The following DPP10 variants were observed in gnomAD, a reference collection of about 807,000 sequenced individuals.
The protein encoded by DPP10 is inactive dipeptidyl peptidase 10.
In DPP10, 33 loss-of-function variants were observed where a neutral mutation model predicts 120.9. The observed-to-expected ratio is 0.27, with a 90% CI of 0.21 to 0.37. The LOEUF (loss-of-function observed/expected upper bound fraction) is 0.37, where lower values mean the gene tolerates loss of function less well. Ranked by LOEUF, DPP10 falls within the 10% of genes least tolerant of loss-of-function variation. The pLI is 1.00. For missense variants in DPP10, 816 were observed against 942.8 expected, an observed-to-expected ratio of 0.87 and a Z score of 1.76; for synonymous variants, 337 against 326.1, an observed-to-expected ratio of 1.03 and a Z score of -0.36.
At chr2:115,035,541 G>A (rs1430048020) in intron 1 of DPP10, among the ~76,000 whole-genome samples, 3 of 152,152 alleles carry the variant, frequency 2.0e-5, no homozygotes, top group Non-Finnish European at 4.4e-5. Flanking sequence ...CCTAAAAACT[G>A]CTTGTAAAGT....
intron 1 of DPP10, among the ~76,000 whole-genome samples, chr2:114,790,738 G>A (rs548994146): frequency 6.6e-6 from 1 of 152,142 alleles, no homozygotes; most frequent in Non-Finnish European, 1.5e-5. Flanking sequence ...ACTTTCACAA[G>A]GTACTGTCAT....
intron 1 of DPP10, among the ~76,000 whole-genome samples, chr2:114,984,007 TG>T (rs1198336641): frequency 7.2e-5 from 11 of 152,196 alleles, no homozygotes; most frequent in African/African-American, 2.4e-4. Flanking sequence ...TGAAATGGTA[TG>T]GGTGCTTAGA....
chr2:115,508,500 T>C (rs2077064719), intron 4 of DPP10, among the ~76,000 whole-genome samples: 1 of 152,220 alleles, frequency 6.6e-6, no homozygotes, highest in South Asian at 2.1e-4. Context: ...TATAGGAATA[T>C]AAGAATGAAA....
intron 19 of DPP10, among the ~76,000 whole-genome samples, chr2:115,800,469 G>C (rs1685076643): frequency 6.6e-6 from 1 of 152,120 alleles, no homozygotes; most frequent in African/African-American, 2.4e-5. Flanking sequence ...TTTGGCTTTT[G>C]TTGCCATTGC....
chr2:114,775,891 C>G (rs1334066625), intron 1 of DPP10, among the ~76,000 whole-genome samples: 54 of 152,272 alleles, frequency 3.5e-4, no homozygotes, highest in Non-Finnish European at 6.8e-4. Flanking sequence ...TCTCAAGGAA[C>G]TATCACTTTG....
intron 1 of DPP10, among the ~76,000 whole-genome samples, chr2:114,653,010 A>AAG (rs71297185): frequency 0.019 from 2,305 of 120,278 alleles, 21 homozygotes; most frequent in Middle Eastern, 0.037. Context: ...GAGAGAGAGA[A>AAG]AGAGAGAGAG....
At chr2:114,838,404 C>T (rs1384119808) in intron 1 of DPP10, among the ~76,000 whole-genome samples, 1 of 152,062 alleles carries the variant, frequency 6.6e-6, no homozygotes, top group Non-Finnish European at 1.5e-5. Flanking sequence ...ACTGCCACCT[C>T]CCGGATTTGA....
At chr2:115,383,926 A>G (rs1462654450) in intron 3 of DPP10, among the ~76,000 whole-genome samples, 1 of 152,206 alleles carries the variant, frequency 6.6e-6, no homozygotes, top group East Asian at 1.9e-4. Flanking sequence ...ACTTAATCCA[A>G]AGAAACCAAT....
At chr2:114,840,763 A>G (rs1296812504) in intron 1 of DPP10, among the ~76,000 whole-genome samples, 2 of 152,170 alleles carry the variant, frequency 1.3e-5, no homozygotes, top group Non-Finnish European at 2.9e-5. Context: ...TCGCTAATCC[A>G]CATAAGAGAG....
intron 1 of DPP10, among the ~76,000 whole-genome samples, chr2:114,519,033 C>G (rs988987262): frequency 6.6e-5 from 10 of 152,158 alleles, no homozygotes; most frequent in African/African-American, 2.4e-4. Context: ...TGAAAGAGAT[C>G]GAAGGCCTAC....
At chr2:115,494,257 C>T (rs1205440075) in intron 3 of DPP10, among the ~76,000 whole-genome samples, 2 of 151,858 alleles carry the variant, frequency 1.3e-5, no homozygotes, top group Non-Finnish European at 2.9e-5. Context: ...TTCTTTAATC[C>T]TTTTGTTTTT....
At chr2:115,729,349 C>A (rs1369033874) in intron 8 of DPP10, among the ~76,000 whole-genome samples, 1 of 152,018 alleles carries the variant, frequency 6.6e-6, no homozygotes, top group Non-Finnish European at 1.5e-5. Flanking sequence ...TGTGTGACAC[C>A]CTGACAGATG....
At chr2:115,183,134 G>A (rs1573923857) in intron 1 of DPP10, among the ~76,000 whole-genome samples, 1 of 152,126 alleles carries the variant, frequency 6.6e-6, no homozygotes, top group East Asian at 1.9e-4. Flanking sequence ...AGAACTAATT[G>A]TGGCCAGATT....
chr2:115,362,859 G>T (rs1189796829), intron 3 of DPP10, among the ~76,000 whole-genome samples: 2 of 152,176 alleles, frequency 1.3e-5, no homozygotes, highest in African/African-American at 4.8e-5. Flanking sequence ...TCTAGTGTTT[G>T]ACACATAGCT....
chr2:115,641,205 C>T (rs1283065051), intron 5 of DPP10, among the ~76,000 whole-genome samples: 1 of 152,124 alleles, frequency 6.6e-6, no homozygotes, highest in Non-Finnish European at 1.5e-5. Context: ...AATGATCTGC[C>T]TGTGTTCTGT....
intron 21 of DPP10, among the ~76,000 whole-genome samples, chr2:115,817,563 G>C (rs1575877073): frequency 6.6e-6 from 1 of 152,152 alleles, no homozygotes; most frequent in Admixed American, 6.5e-5. Context: ...TTCTACACTT[G>C]TTGTCAGCAA....
chr2:115,492,717 C>G (rs1417433241), intron 3 of DPP10, among the ~76,000 whole-genome samples: 1 of 151,974 alleles, frequency 6.6e-6, no homozygotes, highest in Non-Finnish European at 1.5e-5. Context: ...TGGTATAGAT[C>G]GTTTCAATTC....
At chr2:114,811,534 A>G (rs756114613) in intron 1 of DPP10, among the ~76,000 whole-genome samples, 1 of 151,810 alleles carries the variant, frequency 6.6e-6, no homozygotes, top group Non-Finnish European at 1.5e-5. Context: ...CACCATGACA[A>G]TAACTTCCAA....
chr2:115,337,661 T>TA (rs11458121), intron 2 of DPP10, among the ~76,000 whole-genome samples: 5,627 of 71,688 alleles, frequency 0.078, 419 homozygotes, highest in African/African-American at 0.11. Context: ...AGGCTGCTCA[T>TA]AAAAAAAAAA....
Sources: allele counts gnomAD v4.1 joint callset (sites outside exome capture counted in the v4.1 genomes callset), GRCh38; gene constraint gnomAD v4.1.1; transcripts MANE v1.5; gene names NCBI Gene and HGNC (gene_info 2026-07-23, HGNC 2026-07-21).